The following MOCOS variants were observed in gnomAD, a reference collection of about 807,000 sequenced individuals.
MOCOS encodes the protein human molybdenum cofactor sulfurase.
Under a neutral mutation model 83.6 loss-of-function variants are expected in MOCOS, and 86 were observed. That is an observed-to-expected ratio of 1.03 (90% CI 0.86 to 1.23). The LOEUF (loss-of-function observed/expected upper bound fraction) is 1.23, where lower values mean the gene tolerates loss of function less well. Among genes scored for constraint, MOCOS ranks in the 50% most tolerant of loss-of-function variants. The pLI, the probability that MOCOS is intolerant of heterozygous loss-of-function variation, is 0.00. For missense variants in MOCOS, 1,120 were observed against 1,126.9 expected, an observed-to-expected ratio of 0.99 and a Z score of 0.09; for synonymous variants, 445 against 434.7, an observed-to-expected ratio of 1.02 and a Z score of -0.29.
chr18:36,221,309 C>G (rs903791991), intron 9 of MOCOS, among the ~76,000 whole-genome samples: 1 of 152,192 alleles, frequency 6.6e-6, no homozygotes, highest in African/African-American at 2.4e-5. Context: ...GAATAATACA[C>G]AATTACAGCA....
chr18:36,192,479 T>C (rs2091370047), intron 1 of MOCOS, among the ~76,000 whole-genome samples: 1 of 152,224 alleles, frequency 6.6e-6, no homozygotes, highest in Admixed American at 6.5e-5. Flanking sequence ...AGATATCCTG[T>C]ACTGATGGGT....
intron 7 of MOCOS, among the ~76,000 whole-genome samples, chr18:36,214,000 G>A (rs866399450): frequency 6.6e-6 from 1 of 151,474 alleles, no homozygotes; most frequent in Non-Finnish European, 1.5e-5. Flanking sequence ...ACAGCACTTT[G>A]GGAGGCCGAG....
At chr18:36,197,753 T>C (rs75398098) in intron 2 of MOCOS, among the ~76,000 whole-genome samples, 17,956 of 151,962 alleles carry the variant, frequency 0.12, 1,233 homozygotes, top group South Asian at 0.16. Flanking sequence ...GCCTGGGTGA[T>C]AGAGTAAGAT....
intron 2 of MOCOS, among the ~76,000 whole-genome samples, chr18:36,196,652 G>C (rs2091388704): frequency 1.3e-5 from 2 of 152,152 alleles, no homozygotes; most frequent in Admixed American, 6.5e-5. Context: ...TCTGCAGTTT[G>C]CAAAGGTTCT....
intron 9 of MOCOS, among the ~76,000 whole-genome samples, chr18:36,247,905 G>A (rs753389630): frequency 2.0e-4 from 31 of 152,180 alleles, no homozygotes; most frequent in Non-Finnish European, 4.3e-4. Context: ...CTGTACATTA[G>A]TCCTGTCTCC....
intron 6 of MOCOS, among the ~76,000 whole-genome samples, chr18:36,207,221 G>A (rs1282478137): frequency 1.3e-5 from 2 of 152,124 alleles, no homozygotes; most frequent in African/African-American, 4.8e-5. Context: ...ATTTTTAGTA[G>A]AGACAGGGTT....
intron 13 of MOCOS, among the ~76,000 whole-genome samples, chr18:36,263,482 G>A (rs1210346870): frequency 1.3e-5 from 2 of 152,248 alleles, no homozygotes; most frequent in Non-Finnish European, 2.9e-5. Context: ...TGACTGGAAG[G>A]ATGTCCTTGC....
chr18:36,209,357 A>G (rs2091445870), intron 6 of MOCOS, among the ~76,000 whole-genome samples: 1 of 151,880 alleles, frequency 6.6e-6, no homozygotes, highest in African/African-American at 2.4e-5. Flanking sequence ...TTATTTTAAT[A>G]GTTTTTTATT....
chr18:36,215,682 C>A lies in MOCOS; in HGVS notation c.1502C>A (p.Ala501Asp), dbSNP rs761401163. The change falls in exon 8 of 15, where the codon GCC becomes GAC. Residue 501 changes from alanine (A) to aspartate (D), a missense_variant. By Grantham distance (126) the Ala-to-Asp change is moderately radical (BLOSUM62 -2). Coordinates refer to ENST00000261326, the MANE Select transcript of MOCOS (RefSeq NM_017947.4). ...HSSGDWPVPQ[A>D]HADTGETGAP... ...TCAGGGGACTGGCCTGTCCCTCAGG[C>A]CCATGCTGACACCGGGGAGACTGGA... 5.0e-6 allele frequency: 8 copies of A among 1,614,186 alleles called. No homozygotes were observed. The highest frequency in any genetic ancestry group is 6.8e-6 in the Non-Finnish European group (8 of 1,180,030).
intron 4 of MOCOS, among the ~76,000 whole-genome samples, chr18:36,202,835 A>T (rs1225618588): frequency 6.6e-6 from 1 of 152,106 alleles, no homozygotes; most frequent in African/African-American, 2.4e-5. Flanking sequence ...AGCCCAGGGG[A>T]ACTGCCATTT....
At chr18:36,265,379 G>A (rs60311426) in intron 13 of MOCOS, among the ~76,000 whole-genome samples, 21,767 of 152,150 alleles carry the variant, frequency 0.14, 1,645 homozygotes, top group East Asian at 0.24. Context: ...CAATTTCTTC[G>A]GGTCTAATCA....
At chr18:36,253,335 G>T (rs900493011) in intron 11 of MOCOS, among the ~76,000 whole-genome samples, 2 of 152,142 alleles carry the variant, frequency 1.3e-5, no homozygotes, top group South Asian at 2.1e-4. Context: ...AGTCACAGAG[G>T]GCTTCAGGGA....
intron 11 of MOCOS, among the ~76,000 whole-genome samples, chr18:36,255,529 G>C (rs866839779): frequency 2.6e-5 from 4 of 152,172 alleles, no homozygotes; most frequent in African/African-American, 9.7e-5. Flanking sequence ...CTGAGGGAGT[G>C]TGCTTTAGGA....
At chr18:36,247,932 T>C (rs2091608395) in intron 9 of MOCOS, among the ~76,000 whole-genome samples, 1 of 152,232 alleles carries the variant, frequency 6.6e-6, no homozygotes, top group Admixed American at 6.5e-5. Flanking sequence ...CTGTTCTTTT[T>C]TTCCTCTGAT....
intron 11 of MOCOS, among the ~76,000 whole-genome samples, chr18:36,254,585 A>ATG (rs201187835): frequency 0.012 from 1,731 of 150,514 alleles, 32 homozygotes; most frequent in African/African-American, 0.04. Flanking sequence ...TTTCATATAT[A>ATG]TGTGTGTGTG....
At chr18:36,247,622 A>C (rs1342167822) in intron 9 of MOCOS, among the ~76,000 whole-genome samples, 1 of 152,150 alleles carries the variant, frequency 6.6e-6, no homozygotes, top group Non-Finnish European at 1.5e-5. Flanking sequence ...TGGCTGCCTA[A>C]ATCCATTTCA....
chr18:36,257,166 AG>A, intron 12 of MOCOS, 93 bp downstream of exon 12: 1 of 1,111,294 alleles, frequency 9.0e-7, no homozygotes, highest in Non-Finnish European at 1.4e-6. Flanking sequence ...GAGATCTGAG[AG>A]TCATGAAGTT....
At chr18:36,200,812 G>A (rs569915190) in intron 4 of MOCOS, among the ~76,000 whole-genome samples, 7 of 152,344 alleles carry the variant, frequency 4.6e-5, no homozygotes, top group African/African-American at 1.7e-4. Flanking sequence ...GTTAGCAGGA[G>A]GAATCAGTTA....
chr18:36,249,135 T>A, intron 10 of MOCOS, 135 bp downstream of exon 10: 1 of 778,372 alleles, frequency 1.3e-6, no homozygotes, highest in Non-Finnish European at 2.2e-6. Flanking sequence ...CTTGCATGCT[T>A]CTCTCTAACC....
Sources: allele counts gnomAD v4.1 joint callset (sites outside exome capture counted in the v4.1 genomes callset), GRCh38; gene constraint gnomAD v4.1.1; transcripts MANE v1.5; gene names NCBI Gene and HGNC (gene_info 2026-07-23, HGNC 2026-07-21).